The following ERMP1 variants were observed in gnomAD, a reference collection of about 807,000 sequenced individuals.
ERMP1 encodes the protein Felix-ina.
In ERMP1, 86 loss-of-function variants were observed where a neutral mutation model predicts 92.0. That is an observed-to-expected ratio of 0.93 (90% confidence interval 0.79 to 1.12). The LOEUF is 1.12. Among genes scored for constraint, ERMP1 ranks in the 50% most tolerant of loss-of-function variants. ERMP1 has a pLI of 0.00. For missense variants in ERMP1, 1,342 were observed against 1,116.3 expected (o/e 1.20, Z -2.88); for synonymous variants, 530 against 412.8 (o/e 1.28, Z -3.44).
chr9:5,849,008 AT>A (rs1355067225), intron 6 of ERMP1, among the ~76,000 whole-genome samples: 7 of 151,952 alleles, frequency 4.6e-5, no homozygotes, highest in African/African-American at 1.7e-4. Flanking sequence ...GATTATTTTT[AT>A]TTTTATTTAT....
chr9:5,817,943 T>G (rs1482343537), intron 4 of ERMP1, among the ~76,000 whole-genome samples: 1 of 152,172 alleles, frequency 6.6e-6, no homozygotes, highest in Non-Finnish European at 1.5e-5. Flanking sequence ...GAAAACTGAC[T>G]GAATTTGCCA....
In ERMP1 at chr9:5,864,924, C is replaced by T. The variant is rs1830607642; in HGVS notation, n.3055+2878G>A. On this transcript the variant is annotated intron_variant and non_coding_transcript_variant, in intron 5 of 6. Coordinates refer to the ERMP1 transcript ENST00000690753. ...AGATAACAGGCTGCTTCAGATATAA[C>T]ATGAGATCCTAACTTGTGACTCAAC... is the stretch of plus-strand genomic sequence containing the variant. Among the ~76,000 whole-genome samples the T allele has an allele frequency of 2.0e-5, 3 of 152,226 alleles. No individual in the cohort carries two copies. The South Asian group carries it at 6.2e-4, about 32-fold the overall frequency.
chr9:5,850,502 G>A (rs1239586799), intron 6 of ERMP1, among the ~76,000 whole-genome samples: 4 of 151,354 alleles, frequency 2.6e-5, no homozygotes, highest in South Asian at 4.2e-4. Context: ...GAGGGAGCAT[G>A]TGGCTGAGGA....
intron 1 of ERMP1, among the ~76,000 whole-genome samples, chr9:5,831,853 A>G (rs559540199): frequency 1.3e-5 from 2 of 152,302 alleles, no homozygotes; most frequent in African/African-American, 2.4e-5. Context: ...TAATGAAAAC[A>G]AAACTGTTTT....
At chr9:5,818,441 C>T (rs1489795944) in intron 4 of ERMP1, among the ~76,000 whole-genome samples, 1 of 152,168 alleles carries the variant, frequency 6.6e-6, no homozygotes, top group Non-Finnish European at 1.5e-5. Flanking sequence ...CAAGACTGGA[C>T]ATGATGCCTC....
chr9:5,830,577 G>A, intron 2 of ERMP1, 150 bp downstream of exon 2: 1 of 603,320 alleles, frequency 1.7e-6, no homozygotes, highest in East Asian at 2.8e-5. Context: ...TAAACTAAAT[G>A]ATACTATCCT....
chr9:5,840,265 A>T (rs1473480360), intron 6 of ERMP1, among the ~76,000 whole-genome samples: 2 of 151,948 alleles, frequency 1.3e-5, no homozygotes, highest in African/African-American at 4.8e-5. Context: ...AGAGAGAGAG[A>T]AGAGAGAACG....
chr9:5,809,501 A>G (rs2131235076), intron 8 of ERMP1, among the ~76,000 whole-genome samples: 1 of 152,358 alleles, frequency 6.6e-6, no homozygotes, highest in South Asian at 2.1e-4. Context: ...AACAATATAC[A>G]GTTAAAAAGA....
intron 6 of ERMP1, among the ~76,000 whole-genome samples, chr9:5,852,396 G>A (rs1169894131): frequency 6.6e-6 from 1 of 151,784 alleles, no homozygotes; most frequent in African/African-American, 2.4e-5. Context: ...CCTCATAGCT[G>A]GGACTACAGG....
intron 6 of ERMP1, among the ~76,000 whole-genome samples, chr9:5,853,876 C>G (rs946223632): frequency 6.6e-6 from 1 of 151,256 alleles, no homozygotes; most frequent in Admixed American, 6.6e-5. Context: ...CTGAGTAGCA[C>G]TGCTCTAGGG....
intron 6 of ERMP1, among the ~76,000 whole-genome samples, chr9:5,858,271 G>A (rs905290927): frequency 1.3e-5 from 2 of 152,176 alleles, no homozygotes; most frequent in African/African-American, 4.8e-5. Context: ...GCAAGTATTT[G>A]CAAAAATATG....
At position 5,830,774 on chromosome 9, in the gene ERMP1, T is replaced by C. The variant is rs1215052182; in HGVS notation, c.593A>G (p.His198Arg). 9 of 1,614,130 alleles carry C rather than the reference T, an allele frequency of 5.6e-6. No homozygotes were observed. The highest frequency in any genetic ancestry group is 2.2e-5 in the East Asian group (1 of 44,882). The stretch of plus-strand genomic sequence containing the variant: ...AAAATGACAATTAGCCAAGACAGCA[T>C]GCTGGGCTCCATCTCTGGGTTCCAG... ...VKLEPRDGAQ[H>R]AVLANCHFDS... is the part of the protein sequence containing the mutation. Residue 198 changes from histidine to arginine, a missense_variant, in exon 2 of 15, where the codon CAT (histidine) becomes CGT (arginine). Physicochemically the swap from His to Arg is conservative, Grantham distance 29. Coordinates refer to ENST00000339450, the MANE Select transcript of ERMP1 (RefSeq NM_024896.3).
rs2131187893 is a variant in ERMP1, at chr9:5,785,088, A to C, written c.*2056T>G. On this transcript the variant is annotated 3_prime_UTR_variant, in exon 15 of 15. Transcript: ENST00000339450. ...TAAATGACCTCCCAGAATATTACAC[A>C]AGCCCTGAGACTAGTGAGCATCTTA... The C allele has an allele frequency of 6.6e-6, 1 of 152,326 alleles. No homozygotes were observed. The highest frequency in any genetic ancestry group is 2.1e-4 in the South Asian group (1 of 4,828). 9.4% of individuals were successfully genotyped at this position (152,326 alleles called of 1,614,324 possible).
chr9:5,832,791 G>C lies in ERMP1; in HGVS notation c.237C>G (p.Leu79=). 2.7e-6 allele frequency: 4 copies of C among 1,502,320 alleles called. No individual in the cohort carries two copies. The highest frequency in any genetic ancestry group is 1.2e-5 in the South Asian group (1 of 80,440). 93.1% of individuals were successfully genotyped at this position (1,502,320 alleles called of 1,614,324 possible). The change falls in exon 1 of 15, where the codon CTC becomes CTG. Residue 79 remains leucine, a synonymous_variant. Transcript: ENST00000339450. ...CCAGCGTCCGCAGCGCGATCAGGTA[G>C]AGCGCGAGCCCCAGCGCGGCGCGCA... ...SEVRAALGLA[L]YLIALRTLVQ...
chr9:5,814,150 G>A (rs1829214761), intron 4 of ERMP1, among the ~76,000 whole-genome samples: 1 of 152,050 alleles, frequency 6.6e-6, no homozygotes, highest in East Asian at 1.9e-4. Flanking sequence ...CCTTAACTTT[G>A]ATTTGTGAGA....
At chr9:5,847,555 C>G (rs1830252136) in intron 6 of ERMP1, among the ~76,000 whole-genome samples, 1 of 150,398 alleles carries the variant, frequency 6.6e-6, no homozygotes, top group Non-Finnish European at 1.5e-5. Flanking sequence ...GGCTTTTTCA[C>G]TAAAACCCCA....
Position 5,825,161 on chromosome 9 carries a change from T to C in ERMP1, c.699A>G (p.Ser233=). 6.2e-7 allele frequency: 1 copy of C among 1,614,138 alleles called. No individual in the cohort carries two copies. The highest frequency in any genetic ancestry group is 8.5e-7 in the Non-Finnish European group (1 of 1,179,986). The change falls in exon 3 of 15, where the codon TCA becomes TCG. Residue 233 remains serine, a synonymous_variant. Transcript: ENST00000339450. ...SVMLEVLRVL[S]TSSEALHHAV... is the part of the protein sequence containing the mutation. ...CATGATGCAAGGCTTCTGAAGATGT[T>C]GACAAGACGCGAAGGACTTCCAGCA...
At chr9:5,815,816 G>A (rs1829282729) in intron 4 of ERMP1, among the ~76,000 whole-genome samples, 1 of 152,076 alleles carries the variant, frequency 6.6e-6, no homozygotes, top group Non-Finnish European at 1.5e-5. Flanking sequence ...GAGACAAACA[G>A]ATACCACATG....
At chr9:5,841,118 C>T (rs968618748) in intron 6 of ERMP1, among the ~76,000 whole-genome samples, 5 of 152,150 alleles carry the variant, frequency 3.3e-5, no homozygotes, top group Admixed American at 6.5e-5. Flanking sequence ...TTGTGAAAGG[C>T]GGTGTAAAAA....
Sources: allele counts gnomAD v4.1 joint callset (sites outside exome capture counted in the v4.1 genomes callset), GRCh38; gene constraint gnomAD v4.1.1; transcripts MANE v1.5; gene names NCBI Gene and HGNC (gene_info 2026-07-23, HGNC 2026-07-21).